CASTOR2: variants seen among roughly 807,000 people sequenced by gnomAD.
CASTOR2 encodes the protein GATS protein like 2.
In CASTOR2, 8 loss-of-function variants were observed where a neutral mutation model predicts 31.2. The ratio of observed to expected loss-of-function variants is 0.26; its 90% confidence interval spans 0.15 to 0.46. The LOEUF (loss-of-function observed/expected upper bound fraction) is 0.46, where lower values mean the gene tolerates loss of function less well. CASTOR2 is among the 20% of genes least tolerant of loss of function. The pLI is 0.99. For synonymous variants in CASTOR2, 162 were observed against 158.7 expected (o/e 1.02, Z -0.16); for missense variants, 216 against 382.1 (o/e 0.57, Z 3.62).
chr7:75,029,685 A>G lies in CASTOR2; in HGVS notation c.*4986A>G, dbSNP rs1390557944. On this transcript the variant is annotated 3_prime_UTR_variant, in exon 9 of 9. Coordinates refer to ENST00000616305, the MANE Select transcript of CASTOR2 (RefSeq NM_001145064.3). ...CCACTTCCTGAGTGAAGCGCTTTGC[A>G]TGGGGATGGGAAGAAGCACCCCCAA... 4.6e-5 allele frequency among the ~76,000 whole-genome samples: 7 copies of G among 152,072 alleles called. No homozygotes were observed. The highest frequency in any genetic ancestry group is 1.4e-4 in the African/African-American group (6 of 41,422).
In CASTOR2 at chr7:75,029,429, T is replaced by C. The variant is rs1329026598; in HGVS notation, c.*4730T>C. On this transcript the variant is annotated 3_prime_UTR_variant, in exon 9 of 9. Coordinates refer to ENST00000616305, the MANE Select transcript of CASTOR2 (RefSeq NM_001145064.3). ...TGCGATCTCGGTTCGCTGCAACCTC[T>C]GCTTCCCAGGTTCAAGTGATTCTCC... 6.6e-6 allele frequency among the ~76,000 whole-genome samples: 1 copy of C among 150,918 alleles called. No individual in the cohort carries two copies. Among genetic ancestry groups the C allele is most frequent in the African/African-American group, 2.4e-5 (1 of 40,938 alleles).
At chr7:75,024,346 G>A (rs1367855786) in intron 7 of CASTOR2, 94 bp from the exon 8 acceptor site, 3 of 1,210,986 alleles carry the variant, frequency 2.5e-6, no homozygotes, top group Non-Finnish European at 3.6e-6. Context: ...TGGGTGCAGG[G>A]TAGGCATTGC....
intron 3 of CASTOR2, 42 bp downstream of exon 3, chr7:75,017,833 G>T: frequency 6.2e-7 from 1 of 1,613,852 alleles, no homozygotes; most frequent in African/African-American, 1.3e-5. Context: ...ACTCATGCCC[G>T]CCTCTGACAC....
At chr7:75,004,436 A>G (rs1804564136) in intron 1 of CASTOR2, among the ~76,000 whole-genome samples, 2 of 147,094 alleles carry the variant, frequency 1.4e-5, no homozygotes, top group African/African-American at 2.5e-5. Context: ...CACCTCATGG[A>G]TGACCCTAGC....
At chr7:75,013,445 G>C (rs1804797720) in intron 2 of CASTOR2, among the ~76,000 whole-genome samples, 1 of 150,844 alleles carries the variant, frequency 6.6e-6, no homozygotes, top group Non-Finnish European at 1.5e-5. Flanking sequence ...AGGAGTTCAA[G>C]CAGGTTGGGC....
chr7:75,030,924 T>A lies in CASTOR2; in HGVS notation c.*6225T>A, dbSNP rs889116629. 2.6e-5 allele frequency among the ~76,000 whole-genome samples: 4 copies of A among 152,038 alleles called. No homozygotes were observed. Among genetic ancestry groups the A allele is most frequent in the African/African-American group, 4.8e-5 (2 of 41,392 alleles). On this transcript the variant is annotated 3_prime_UTR_variant, in exon 9 of 9. Coordinates refer to ENST00000616305, the MANE Select transcript of CASTOR2 (RefSeq NM_001145064.3). ...TACTGGGGCTCATTCTGGAAGAAGGTCCAGAAGAATTGGAGACCCCTGCCC... is the reference window on the plus strand; with the variant it reads ...TACTGGGGCTCATTCTGGAAGAAGGACCAGAAGAATTGGAGACCCCTGCCC...
rs1805171451 is a variant in CASTOR2 at position 75,027,571 on chromosome 7, C to G, written c.*2872C>G. The G allele has an allele frequency of 5.9e-6, 1 of 168,654 alleles. No individual in the cohort carries two copies. Among genetic ancestry groups the G allele is most frequent in the African/African-American group, 2.4e-5 (1 of 41,552 alleles). The allele number at this position is 168,654 out of a possible 1,614,324, so 10.4% of individuals were successfully genotyped here. A position where few individuals can be genotyped will look rare whatever the true frequency, so the allele number is the denominator to read the frequency against. ...ATCTCAGGTTGTGCTCCTGGGGCTG[C>G]TCCTGGGGACTGGCCTCGTGTCATG... On this transcript the variant is annotated 3_prime_UTR_variant, in exon 9 of 9. Coordinates refer to ENST00000616305, the MANE Select transcript of CASTOR2 (RefSeq NM_001145064.3).
chr7:75,009,567 C>T (rs1481304479), intron 2 of CASTOR2, among the ~76,000 whole-genome samples: 1 of 151,988 alleles, frequency 6.6e-6, no homozygotes, highest in Admixed American at 6.6e-5. Flanking sequence ...CGCGCCCGGC[C>T]CTGAGAACCT....
At chr7:75,003,688 T>C (rs1184756211) in intron 1 of CASTOR2, among the ~76,000 whole-genome samples, 4 of 150,648 alleles carry the variant, frequency 2.7e-5, no homozygotes, top group African/African-American at 9.8e-5. Context: ...AGGCGGAGCT[T>C]GCAGTGAGCC....
rs1288506762 is a variant in CASTOR2, at chr7:75,030,348, T to C, written c.*5649T>C. Among the ~76,000 whole-genome samples, 1 of 152,220 alleles carries C rather than the reference T, an allele frequency of 6.6e-6. No individual in the cohort carries two copies. Among genetic ancestry groups the C allele is most frequent in the African/African-American group, 2.4e-5 (1 of 41,446 alleles). On this transcript the variant is annotated 3_prime_UTR_variant, in exon 9 of 9. Coordinates refer to ENST00000616305, the MANE Select transcript of CASTOR2 (RefSeq NM_001145064.3). ...TGAGTTCTCAGTAGCAGTCTTGTTG[T>C]CAGGCCTTGAGTGCAGAAATGATTA...
intron 1 of CASTOR2, among the ~76,000 whole-genome samples, chr7:74,985,302 A>C (rs1182745999): frequency 1.4e-4 from 21 of 151,940 alleles, no homozygotes; most frequent in African/African-American, 4.8e-4. Context: ...AGTCACTGTC[A>C]GGGGGTTGGG....
chr7:75,008,721 G>C (rs1333229323), intron 2 of CASTOR2, among the ~76,000 whole-genome samples: 1 of 152,078 alleles, frequency 6.6e-6, no homozygotes, highest in Admixed American at 6.6e-5. Flanking sequence ...ATAAAGAAAA[G>C]TGTCTAGCTG....
rs1282065575 is a variant in CASTOR2, at chr7:75,025,370, C to T, written c.*671C>T. Among the ~76,000 whole-genome samples, 1 of 152,114 alleles carries T rather than the reference C, an allele frequency of 6.6e-6. No homozygotes were observed. Among genetic ancestry groups the T allele is most frequent in the Non-Finnish European group, 1.5e-5 (1 of 67,996 alleles). On this transcript the variant is annotated 3_prime_UTR_variant, in exon 9 of 9. Transcript: ENST00000616305. The stretch of plus-strand genomic sequence containing the variant: ...AGCAAGACTGCCAAGAGGGCCCTGT[C>T]CAGACCCTCCCCCACAAGCACTCAG...
In CASTOR2 at chr7:75,027,933, C is replaced by A; in HGVS notation, c.*3234C>A. On this transcript the variant is annotated 3_prime_UTR_variant, in exon 9 of 9. Coordinates refer to ENST00000616305, the MANE Select transcript of CASTOR2 (RefSeq NM_001145064.3). ...TGCTGGGTGGGAGGGTCTCTCCAGGCCCCAGACCCCACTTGGAGGGGCATG... is the reference window on the plus strand; with the variant it reads ...TGCTGGGTGGGAGGGTCTCTCCAGGACCCAGACCCCACTTGGAGGGGCATG... 7.6e-7 allele frequency: 1 copy of A among 1,317,764 alleles called. No individual in the cohort carries two copies. Among genetic ancestry groups the A allele is most frequent in the African/African-American group, 1.5e-5 (1 of 68,546 alleles). The allele number at this position is 1,317,764 out of a possible 1,614,324, so 81.6% of individuals were successfully genotyped here.
At chr7:74,975,808 A>C in intron 1 of CASTOR2, among the ~76,000 whole-genome samples, 1 of 123,508 alleles carries the variant, frequency 8.1e-6, no homozygotes, top group South Asian at 2.9e-4. Context: ...GAGACTTCCG[A>C]GGCTAGGGCA....
chr7:75,004,867 G>GT (rs1200983923), intron 1 of CASTOR2, among the ~76,000 whole-genome samples: 1 of 151,844 alleles, frequency 6.6e-6, no homozygotes, highest in Admixed American at 6.6e-5. Context: ...ATCTTGTGAG[G>GT]TTTTTTTGTT....
At chr7:75,011,683 C>T (rs1190404744) in intron 2 of CASTOR2, among the ~76,000 whole-genome samples, 11 of 134,768 alleles carry the variant, frequency 8.2e-5, no homozygotes, top group South Asian at 4.6e-4. Flanking sequence ...TGCAGTGAGC[C>T]GAGATCACGC....
At chr7:75,021,772 C>T (rs1294322417) in intron 6 of CASTOR2, 102 bp from the exon 7 acceptor site, 3 of 1,439,098 alleles carry the variant, frequency 2.1e-6, no homozygotes, top group East Asian at 5.0e-5. Flanking sequence ...CCCAACCCTG[C>T]CTGGCCAGCC....
intron 2 of CASTOR2, among the ~76,000 whole-genome samples, chr7:75,009,406 T>G (rs1470798042): frequency 6.7e-6 from 1 of 149,872 alleles, no homozygotes; most frequent in African/African-American, 2.5e-5. Context: ...TAGCTGGGAC[T>G]ACAGGCGCCC....
Sources: allele counts gnomAD v4.1 joint callset (sites outside exome capture counted in the v4.1 genomes callset), GRCh38; gene constraint gnomAD v4.1.1; transcripts MANE v1.5; gene names NCBI Gene and HGNC (gene_info 2026-07-23, HGNC 2026-07-21).